The following PTPRM variants were observed in gnomAD, a reference collection of about 807,000 sequenced individuals.
PTPRM encodes the protein protein tyrosine phosphatase receptor type M, also known as receptor-type tyrosine-protein phosphatase mu.
PTPRM carries 47 observed loss-of-function variants against 186.7 expected under a neutral mutation model. The ratio of observed to expected loss-of-function variants is 0.25; its 90% CI spans 0.20 to 0.32. The LOEUF (loss-of-function observed/expected upper bound fraction) is 0.32, where lower values mean the gene tolerates loss of function less well. Among genes scored for constraint, PTPRM ranks in the 10% least tolerant of loss-of-function variants. The pLI, the probability that PTPRM is intolerant of heterozygous loss-of-function variation, is 1.00. For synonymous variants in PTPRM, 668 were observed against 674.9 expected, an observed-to-expected ratio of 0.99 and a Z score of 0.16; for missense variants, 1,494 against 1,865.0, an observed-to-expected ratio of 0.80 and a Z score of 3.66.
intron 1 of PTPRM, among the ~76,000 whole-genome samples, chr18:7,621,980 T>G (rs1312268989): frequency 6.6e-6 from 1 of 152,204 alleles, no homozygotes. Context: ...TGGATAACTA[T>G]CAAGAACTGT....
At chr18:7,930,044 G>T (rs2051388329) in intron 5 of PTPRM, among the ~76,000 whole-genome samples, 1 of 152,058 alleles carries the variant, frequency 6.6e-6, no homozygotes, top group South Asian at 2.1e-4. Context: ...TTGTTTGGGG[G>T]TACATTGGTG....
chr18:8,388,293 G>C (rs2095791039), intron 31 of PTPRM, among the ~76,000 whole-genome samples: 1 of 152,182 alleles, frequency 6.6e-6, no homozygotes, highest in Admixed American at 6.5e-5. Context: ...AGTACACAAT[G>C]AGATCTCTCT....
chr18:8,068,147 G>C lies in PTPRM; in HGVS notation c.1133-1539G>C, dbSNP rs2089220407. Among the ~76,000 whole-genome samples, 3 of 152,134 alleles carry C rather than the reference G, an allele frequency of 2.0e-5. No individual in the cohort carries two copies. The South Asian group carries it at 6.2e-4, about 32-fold the overall frequency. On this transcript the variant is annotated intron_variant, in intron 7 of 32. Transcript: ENST00000580170. ...ATATTAGAAATAAAAATATTTACAG[G>C]ATTATTTTGAGGAATAGGAAATTTA...
At chr18:8,283,924 A>G (rs2094929615) in intron 19 of PTPRM, among the ~76,000 whole-genome samples, 1 of 152,004 alleles carries the variant, frequency 6.6e-6, no homozygotes, top group African/African-American at 2.4e-5. Flanking sequence ...CCTGGCCACC[A>G]TTGTTCTTAT....
chr18:7,785,121 A>G lies in PTPRM; in HGVS notation c.196+10850A>G, dbSNP rs548805491. On this transcript the variant is annotated intron_variant, in intron 2 of 32. Coordinates refer to ENST00000580170, the MANE Select transcript of PTPRM (RefSeq NM_001105244.2). Reference sequence around the variant, plus strand: ...TGTAGTTCTAGGGACTGCCAAGTACATGGAATGGGAAGAGGAAGAGGTCCA... The same window carrying G: ...TGTAGTTCTAGGGACTGCCAAGTACGTGGAATGGGAAGAGGAAGAGGTCCA... 4.6e-5 allele frequency among the ~76,000 whole-genome samples: 7 copies of G among 152,320 alleles called. No homozygotes were observed. In the South Asian group the frequency reaches 8.3e-4, roughly 18 times the overall value.
intron 14 of PTPRM, among the ~76,000 whole-genome samples, chr18:8,211,473 G>C (rs554442367): frequency 6.9e-6 from 1 of 144,960 alleles, no homozygotes; most frequent in African/African-American, 2.6e-5. Flanking sequence ...GTGTGATCTC[G>C]GCTCACTGCA....
chr18:8,227,883 C>T (rs932923740), intron 14 of PTPRM, among the ~76,000 whole-genome samples: 3 of 152,202 alleles, frequency 2.0e-5, no homozygotes, highest in African/African-American at 7.2e-5. Flanking sequence ...TGATTCCCAT[C>T]TTGCTTGACT....
Position 8,244,148 on chromosome 18 carries a change from G to A in PTPRM, c.2391G>A (p.Glu797=). Residue 797 remains glutamate, a synonymous_variant, in exon 15 of 33, where the codon GAG becomes GAA. Transcript: ENST00000580170. ...MVNSMDKSYA[E]QGTNCDEAFS... is the part of the protein sequence containing the mutation. ...ACTCAATGGACAAGAGCTATGCTGA[G>A]CAGGGCACAAACTGCGACGAGGCTT... 6.2e-7 allele frequency: 1 copy of A among 1,606,070 alleles called. No homozygotes were observed. The highest frequency in any genetic ancestry group is 2.2e-5 in the East Asian group (1 of 44,472).
intron 13 of PTPRM, among the ~76,000 whole-genome samples, chr18:8,127,917 A>G (rs868761397): frequency 3.2e-4 from 48 of 152,138 alleles, no homozygotes; most frequent in African/African-American, 1.1e-3. Flanking sequence ...GTTAAGACCA[A>G]CATAAACAGT....
intron 5 of PTPRM, among the ~76,000 whole-genome samples, chr18:7,945,339 G>A (rs1339023013): frequency 2.6e-5 from 4 of 151,558 alleles, no homozygotes; most frequent in South Asian, 2.1e-4. Flanking sequence ...TGGCGGGCAC[G>A]TGTAGTCCCA....
intron 1 of PTPRM, among the ~76,000 whole-genome samples, chr18:7,735,133 C>T (rs1052971379): frequency 1.3e-5 from 2 of 152,162 alleles, no homozygotes; most frequent in South Asian, 2.1e-4. Flanking sequence ...AAACAGAGAT[C>T]TGGCTGGGCA....
chr18:8,352,653 G>GTTTTTTTTTTTTTTTTTTTTTTTTTTT (rs1355276752), intron 23 of PTPRM, among the ~76,000 whole-genome samples: 3 of 121,344 alleles, frequency 2.5e-5, no homozygotes, highest in Non-Finnish European at 3.6e-5. Context: ...TTTTGGTTTG[G>GTTTTTTTTTTTTTTTTTTTTTTTTTTT]TTTTTTTTGT....
intron 29 of PTPRM, among the ~76,000 whole-genome samples, chr18:8,382,632 T>G (rs1020016996): frequency 3.9e-5 from 6 of 152,218 alleles, no homozygotes; most frequent in South Asian, 4.1e-4. Context: ...ACTGTCAGCA[T>G]AGCTAACATA....
chr18:8,352,088 A>G (rs2095537467), intron 23 of PTPRM, among the ~76,000 whole-genome samples: 1 of 152,242 alleles, frequency 6.6e-6, no homozygotes, highest in South Asian at 2.1e-4. Flanking sequence ...TATCTATGAC[A>G]CTAATAATCC....
chr18:7,865,135 A>C (rs1177057162), intron 2 of PTPRM, among the ~76,000 whole-genome samples: 2 of 152,226 alleles, frequency 1.3e-5, no homozygotes, highest in Non-Finnish European at 2.9e-5. Flanking sequence ...CAATCATGTC[A>C]TCTGCAAACA....
chr18:7,630,905 C>T (rs920534550), intron 1 of PTPRM, among the ~76,000 whole-genome samples: 3 of 152,094 alleles, frequency 2.0e-5, no homozygotes, highest in East Asian at 1.9e-4. Flanking sequence ...TGTAGTGTCA[C>T]GTGAGCCAGT....
At chr18:8,092,158 A>G (rs2090768843) in intron 11 of PTPRM, among the ~76,000 whole-genome samples, 4 of 152,124 alleles carry the variant, frequency 2.6e-5, no homozygotes, top group African/African-American at 7.2e-5. Context: ...TTTCCCTACA[A>G]ACACTCAGCT....
chr18:7,928,349 C>T (rs924625587), intron 5 of PTPRM, among the ~76,000 whole-genome samples: 4 of 152,018 alleles, frequency 2.6e-5, no homozygotes, highest in African/African-American at 9.7e-5. Flanking sequence ...AGTTTTTTGC[C>T]GCTTGTGAAA....
chr18:8,180,314 C>A (rs2093555645), intron 14 of PTPRM, among the ~76,000 whole-genome samples: 1 of 152,196 alleles, frequency 6.6e-6, no homozygotes, highest in Non-Finnish European at 1.5e-5. Flanking sequence ...TAAGGATCTG[C>A]AGCAACCTCA....
Sources: gnomAD v4.1 joint callset for allele counts (sites outside exome capture counted in the v4.1 genomes callset) on GRCh38, gnomAD v4.1.1 for gene constraint, MANE v1.5 for transcripts, NCBI Gene and HGNC (gene_info 2026-07-23, HGNC 2026-07-21) for gene names.